Variants in ANKK1 observed in about 807,000 individuals in gnomAD.
The protein encoded by ANKK1 is ankyrin repeat and protein kinase domain-containing protein 1.
ANKK1 carries 37 observed loss-of-function variants against 37.6 expected under a neutral mutation model. The observed-to-expected ratio is 0.98, with a 90% CI of 0.76 to 1.29. The LOEUF is 1.29. ANKK1 is among the 50% of genes most tolerant of loss of function. The pLI, the probability that ANKK1 is intolerant of heterozygous loss-of-function variation, is 0.00. For missense variants in ANKK1, 1,019 were observed against 990.6 expected (o/e 1.03, Z -0.39); for synonymous variants, 415 against 418.7 (o/e 0.99, Z 0.11).
At chr11:113,390,106 G>A (rs1007475530) in intron 1 of ANKK1, among the ~76,000 whole-genome samples, 2 of 152,180 alleles carry the variant, frequency 1.3e-5, no homozygotes, top group African/African-American at 2.4e-5. Context: ...AGGAAGAGGG[G>A]TATTAAAGCT....
intron 5 of ANKK1, among the ~76,000 whole-genome samples, chr11:113,396,493 A>C (rs1950640423): frequency 6.6e-6 from 1 of 152,008 alleles, no homozygotes; most frequent in South Asian, 2.1e-4. Flanking sequence ...GCACACCACC[A>C]TGCCTGGCTA....
Position 113,393,748 on chromosome 11 carries a change from A to T in ANKK1, c.453A>T (p.Ile151=), listed in dbSNP as rs4938013. Residue 151 remains isoleucine, a synonymous_variant, in exon 2 of 8, where the codon ATA becomes ATT. Transcript: ENST00000303941. ...LLHLDLKPGN[I]LLDSNMHVKI... ...ACCTGGACCTCAAGCCGGGCAACAT[A>T]CTCCTGGACAGCAACATGCATGTCA... The T allele has an allele frequency of 1.2e-6, 2 of 1,610,102 alleles. No homozygotes were observed. The highest frequency in any genetic ancestry group is 1.7e-6 in the Non-Finnish European group (2 of 1,179,088).
At position 113,397,212 on chromosome 11, in the gene ANKK1, C is replaced by T. The variant is rs1312438960; in HGVS notation, c.839-12C>T. The T allele has an allele frequency of 1.9e-6, 3 of 1,601,004 alleles. No homozygotes were observed. The highest frequency in any genetic ancestry group is 2.7e-5 in the African/African-American group (2 of 74,852). ...TGCTTCCTTTCCTGTCTTTCTCCCA[C>T]TCATGGAGCAGACATTACCATCGAG... is the stretch of plus-strand genomic sequence containing the variant. On this transcript the variant is annotated splice_polypyrimidine_tract_variant and intron_variant, in intron 5 of 7. Coordinates refer to ENST00000303941, the MANE Select transcript of ANKK1 (RefSeq NM_178510.2).
chr11:113,396,999 C>T (rs1023255363), intron 5 of ANKK1, among the ~76,000 whole-genome samples: 3 of 152,150 alleles, frequency 2.0e-5, no homozygotes, highest in African/African-American at 7.2e-5. Context: ...CTGAACTTGC[C>T]CCCTCATTCT....
chr11:113,395,465 C>T, intron 4 of ANKK1, 57 bp downstream of exon 4: 14 of 1,576,306 alleles, frequency 8.9e-6, no homozygotes, highest in Non-Finnish European at 1.2e-5. Context: ...GGATGGGCTC[C>T]TGGAAGGGGC....
chr11:113,390,987 T>C (rs1950583027), intron 1 of ANKK1, among the ~76,000 whole-genome samples: 2 of 152,254 alleles, frequency 1.3e-5, no homozygotes, highest in African/African-American at 4.8e-5. Context: ...AAAATATTAA[T>C]GCCAGGGCCC....
chr11:113,397,418 C>A (rs1950648461), intron 6 of ANKK1, 76 bp downstream of exon 6: 3 of 1,269,048 alleles, frequency 2.4e-6, no homozygotes, highest in South Asian at 1.3e-5. Flanking sequence ...TGATCTCTGG[C>A]CAGACACTGA....
Position 113,393,703 on chromosome 11 carries a change from C to G in ANKK1, c.408C>G (p.Ser136Arg), listed in dbSNP as rs1950609823. The change falls in exon 2 of 8, where the codon AGC becomes AGG. Residue 136 changes from serine to arginine, a missense_variant. By Grantham distance (110) the Ser-to-Arg change is moderately radical. Transcript: ENST00000303941. The stretch of plus-strand genomic sequence containing the variant: ...GCTTGGCCATGAACTTCCTGCACAG[C>G]ATTAAGCCGCCTCTGCTCCACCTGG... ...ETSLAMNFLHSIKPPLLHLDL... is the reference protein window; with the variant it reads ...ETSLAMNFLHRIKPPLLHLDL... The G allele has an allele frequency of 6.8e-6, 11 of 1,613,842 alleles. No homozygotes were observed. The highest frequency in any genetic ancestry group is 8.5e-6 in the Non-Finnish European group (10 of 1,179,898).
rs1464555154 is a variant in ANKK1 at position 113,396,121 on chromosome 11, T to G, written c.737T>G (p.Leu246Arg). 3 of 1,613,882 alleles carry G rather than the reference T, an allele frequency of 1.9e-6. No homozygotes were observed. Among genetic ancestry groups the G allele is most frequent in the East Asian group, 2.2e-5 (1 of 44,868 alleles). ...IRVAAGMRPSLQPVSDQWPSE... is the reference protein window; with the variant it reads ...IRVAAGMRPSRQPVSDQWPSE... ...GTGGCGGCAGGCATGCGGCCCTCCC[T>G]ACAGCCTGTCTCTGACCAATGGCCA... is the stretch of plus-strand genomic sequence containing the variant. Residue 246 changes from leucine to arginine, a missense_variant, in exon 5 of 8, where the codon CTA becomes CGA. Leu to Arg is a moderately radical substitution (Grantham distance 102). Coordinates refer to ENST00000303941, the MANE Select transcript of ANKK1 (RefSeq NM_178510.2).
intron 7 of ANKK1, 87 bp downstream of exon 7, chr11:113,398,103 T>C: frequency 7.0e-7 from 1 of 1,429,528 alleles, no homozygotes; most frequent in Non-Finnish European, 9.6e-7. Flanking sequence ...CCCCCTGGCC[T>C]CCCCCTCATC....
chr11:113,396,205 A>G lies in ANKK1; in HGVS notation c.821A>G (p.Lys274Arg). ...MKRCWDQDPK[K>R]RPCFLDITIE... ...CGCTGCTGGGACCAGGACCCCAAGA[A>G]GAGGCCATGCTTTCTAGGTGCTTAT... is the stretch of plus-strand genomic sequence containing the variant. The change falls in exon 5 of 8, where the codon AAG (lysine) becomes AGG (arginine). Residue 274 changes from lysine (K) to arginine (R), a missense_variant. Coordinates refer to ENST00000303941, the MANE Select transcript of ANKK1 (RefSeq NM_178510.2). 1 of 1,613,964 alleles carries G rather than the reference A, an allele frequency of 6.2e-7. No individual in the cohort carries two copies. Among genetic ancestry groups the G allele is most frequent in the Non-Finnish European group, 8.5e-7 (1 of 1,179,870 alleles).
chr11:113,400,131 A>C lies in ANKK1; in HGVS notation c.2162A>C (p.Gln721Pro), dbSNP rs1950691149. The change falls in exon 8 of 8, where the codon CAG becomes CCG. Residue 721 changes from glutamine to proline, a missense_variant. Physicochemically the swap from Gln to Pro is moderately conservative, Grantham distance 76. Transcript: ENST00000303941. ...LVEAGAQLDV[Q>P]DGVSCTPLQL... The stretch of plus-strand genomic sequence containing the variant: ...GAGGCAGGCGCCCAGCTGGACGTCC[A>C]GGATGGAGTGAGCTGCACACCCCTG... The C allele has an allele frequency of 1.2e-6, 2 of 1,610,024 alleles. No homozygotes were observed. Among genetic ancestry groups the C allele is most frequent in the Non-Finnish European group, 1.7e-6 (2 of 1,178,370 alleles).
rs773282594 is a variant in ANKK1, at chr11:113,393,710, C to A, written c.415C>A (p.Pro139Thr). Residue 139 changes from proline (P) to threonine (T), a missense_variant, in exon 2 of 8, where the codon CCG becomes ACG. By Grantham distance (38) the Pro-to-Thr change is conservative (BLOSUM62 -1). Transcript: ENST00000303941. Reference protein sequence around the residue: ...LAMNFLHSIKPPLLHLDLKPG... With the variant: ...LAMNFLHSIKTPLLHLDLKPG... ...CATGAACTTCCTGCACAGCATTAAG[C>A]CGCCTCTGCTCCACCTGGACCTCAA... 1 of 1,613,664 alleles carries A rather than the reference C, an allele frequency of 6.2e-7. No homozygotes were observed. The highest frequency in any genetic ancestry group is 8.5e-7 in the Non-Finnish European group (1 of 1,179,892).
chr11:113,390,976 A>C (rs150042047), intron 1 of ANKK1, among the ~76,000 whole-genome samples: 138 of 152,354 alleles, frequency 9.1e-4, no homozygotes, highest in African/African-American at 3.0e-3. Context: ...GGGTTGGTCT[A>C]AAAATATTAA....
chr11:113,396,179 A>C lies in ANKK1; in HGVS notation c.795A>C (p.Lys265Asn). The stretch of plus-strand genomic sequence containing the variant: ...CCCAGCAGATGGTGGACCTGATGAA[A>C]CGCTGCTGGGACCAGGACCCCAAGA... The part of the protein sequence containing the change: ...SEAQQMVDLM[K>N]RCWDQDPKKR... The change falls in exon 5 of 8, where the codon AAA becomes AAC. Residue 265 changes from lysine (K) to asparagine (N), a missense_variant. Lys to Asn is a moderately conservative substitution (Grantham distance 94). Coordinates refer to ENST00000303941, the MANE Select transcript of ANKK1 (RefSeq NM_178510.2). 1 of 1,613,908 alleles carries C rather than the reference A, an allele frequency of 6.2e-7. No homozygotes were observed. Among genetic ancestry groups the C allele is most frequent in the Non-Finnish European group, 8.5e-7 (1 of 1,179,888 alleles).
intron 1 of ANKK1, among the ~76,000 whole-genome samples, chr11:113,389,786 A>T (rs1950573984): frequency 6.6e-6 from 1 of 152,208 alleles, no homozygotes; most frequent in Non-Finnish European, 1.5e-5. Flanking sequence ...CAAAGATGGG[A>T]AAAGGCCATG....
At chr11:113,394,546 C>T (rs1037527135) in intron 2 of ANKK1, among the ~76,000 whole-genome samples, 3 of 152,082 alleles carry the variant, frequency 2.0e-5, no homozygotes, top group African/African-American at 7.3e-5. Context: ...TGTTTCAGGG[C>T]CCCCGGAGGT....
chr11:113,400,290 C>T lies in ANKK1; in HGVS notation c.*23C>T, dbSNP rs1950693719. The T allele has an allele frequency of 1.3e-6, 2 of 1,517,568 alleles. No homozygotes were observed. Among genetic ancestry groups the T allele is most frequent in the East Asian group, 4.9e-5 (2 of 40,462 alleles). 94.0% of individuals were successfully genotyped at this position (1,517,568 alleles called of 1,614,324 possible). ...TAGACAACTTGGCCAGCCGTGGTGGCTCACGTCTGTAATCCCAGCACTTTG... is the reference window on the plus strand; with the variant it reads ...TAGACAACTTGGCCAGCCGTGGTGGTTCACGTCTGTAATCCCAGCACTTTG... On this transcript the variant is annotated 3_prime_UTR_variant, in exon 8 of 8. Transcript: ENST00000303941.
In ANKK1 at chr11:113,398,996, C is replaced by T. The variant is rs760555606; in HGVS notation, c.1027C>T (p.Leu343Phe). The T allele has an allele frequency of 7.5e-6, 12 of 1,591,014 alleles. No homozygotes were observed. The highest frequency in any genetic ancestry group is 7.0e-5 in the Admixed American group (4 of 56,968). Residue 343 changes from leucine (L) to phenylalanine (F), a missense_variant, in exon 8 of 8, where the codon CTC becomes TTC. By Grantham distance (22) the Leu-to-Phe change is conservative (BLOSUM62 0). Coordinates refer to ENST00000303941, the MANE Select transcript of ANKK1 (RefSeq NM_178510.2). The part of the protein sequence containing the change: ...SGNYLKRALQ[L>F]SDRKNLVPRD... ...AAACTACCTGAAGCGGGCCCTTCAG[C>T]TCTCCGACCGTAAGAATTTGGTCCC...
Sources: gnomAD v4.1 joint callset for allele counts (sites outside exome capture counted in the v4.1 genomes callset) on GRCh38, gnomAD v4.1.1 for gene constraint, MANE v1.5 for transcripts, NCBI Gene and HGNC (gene_info 2026-07-23, HGNC 2026-07-21) for gene names.